The following CNTNAP4 variants were observed in gnomAD, a reference collection of about 807,000 sequenced individuals.
CNTNAP4 encodes contactin-associated protein-like 4.
A neutral mutation model predicts 148.4 loss-of-function variants in CNTNAP4; 98 were observed. That is an observed-to-expected ratio of 0.66 (90% CI 0.56 to 0.78). CNTNAP4 has a LOEUF of 0.78. Ranked by LOEUF, CNTNAP4 falls within the 30% of genes least tolerant of loss-of-function variation. CNTNAP4 has a pLI of 0.00. For synonymous variants in CNTNAP4, 730 were observed against 565.1 expected (o/e 1.29, Z -4.14); for missense variants, 1,935 against 1,565.6 (o/e 1.24, Z -3.98).
chr16:76,519,588 C>T (rs1029603127), intron 15 of CNTNAP4, among the ~76,000 whole-genome samples: 1 of 152,130 alleles, frequency 6.6e-6, no homozygotes, highest in African/African-American at 2.4e-5. Flanking sequence ...GAAAACAGAT[C>T]AGCTAAGAAC....
intron 2 of CNTNAP4, among the ~76,000 whole-genome samples, chr16:76,331,705 T>C (rs1407365829): frequency 6.6e-6 from 1 of 152,202 alleles, no homozygotes; most frequent in African/African-American, 2.4e-5. Flanking sequence ...CACATAGTTA[T>C]AATTATTGTT....
Position 76,479,494 on chromosome 16 carries a change from G to C in CNTNAP4, c.1838G>C (p.Gly613Ala), listed in dbSNP as rs542307062. The stretch of plus-strand genomic sequence containing the variant: ...GGGTTTTACTATATAGATTCAGATG[G>C]AAGTGGTCCCCTGGAACCATTTCTT... ...TSGFYYIDSD[G>A]SGPLEPFLLY... Residue 613 changes from glycine to alanine, a missense_variant, in exon 12 of 24, where the codon GGA becomes GCA. Transcript: ENST00000611870. 1.7e-5 allele frequency: 28 copies of C among 1,610,820 alleles called. No homozygotes were observed. In the East Asian group the frequency reaches 5.8e-4, roughly 34 times the overall value.
At chr16:76,365,772 C>G (rs1255785254) in intron 3 of CNTNAP4, among the ~76,000 whole-genome samples, 1 of 126,486 alleles carries the variant, frequency 7.9e-6, no homozygotes, top group Non-Finnish European at 1.8e-5. Flanking sequence ...AAAAAAAAAC[C>G]TAAGAGAATC....
At chr16:76,552,852 C>T (rs190676143) in intron 21 of CNTNAP4, among the ~76,000 whole-genome samples, 1 of 152,164 alleles carries the variant, frequency 6.6e-6, no homozygotes, top group Admixed American at 6.5e-5. Flanking sequence ...TCAATTTTCT[C>T]TCTAGTTTCT....
intron 1 of CNTNAP4, among the ~76,000 whole-genome samples, chr16:76,298,072 C>T (rs182974664): frequency 2.8e-4 from 43 of 152,308 alleles, no homozygotes; most frequent in Admixed American, 5.2e-4. Flanking sequence ...GTCCCTACAT[C>T]TTCCCCATCT....
At chr16:76,397,530 T>G (rs2078244015) in intron 3 of CNTNAP4, among the ~76,000 whole-genome samples, 1 of 151,952 alleles carries the variant, frequency 6.6e-6, no homozygotes, top group African/African-American at 2.4e-5. Flanking sequence ...GTGGGTGGGT[T>G]TGTTTTCATT....
At chr16:76,376,906 T>G (rs1050959650) in intron 3 of CNTNAP4, among the ~76,000 whole-genome samples, 77 of 120,354 alleles carry the variant, frequency 6.4e-4, no homozygotes, top group African/African-American at 2.6e-3. Context: ...ACTAACAAGG[T>G]TTGTGTGTGT....
intron 21 of CNTNAP4, among the ~76,000 whole-genome samples, chr16:76,544,743 A>G (rs1450264475): frequency 6.6e-6 from 1 of 152,070 alleles, no homozygotes; most frequent in Non-Finnish European, 1.5e-5. Context: ...AAACTGAGAG[A>G]TTGTTTTCAC....
In CNTNAP4 at chr16:76,453,436, C is replaced by A. The variant is rs8061892; in HGVS notation, c.1333+667C>A. On this transcript the variant is annotated intron_variant, in intron 8 of 23. Transcript: ENST00000611870. Reference sequence around the variant, plus strand: ...AATGAATGTCTAATTTAGGCCAGTGCGTTGAGTGAGGGATGTTTTTGTCTC... The same window carrying A: ...AATGAATGTCTAATTTAGGCCAGTGAGTTGAGTGAGGGATGTTTTTGTCTC... Among the ~76,000 whole-genome samples the A allele has an allele frequency of 9.2e-5, 14 of 151,984 alleles. 1 individual carries two copies. In the South Asian group the frequency reaches 2.9e-3, roughly 32 times the overall value.
At position 76,427,469 on chromosome 16, in the gene CNTNAP4, A is replaced by C; in HGVS notation, c.408A>C (p.Ala136=). The C allele has an allele frequency of 6.2e-7, 1 of 1,605,496 alleles. No individual in the cohort carries two copies. Among genetic ancestry groups the C allele is most frequent in the South Asian group, 1.1e-5 (1 of 89,036 alleles). The change falls in exon 4 of 24, where the codon GCA becomes GCC. Residue 136 remains alanine (A), a synonymous_variant. Transcript: ENST00000611870. ...TCTTTTAGGGTTTTTCAGGAAATGC[A>C]AATGCAGACAGTGTTGTGTACTATA... ...EDSIWGFSGN[A]NADSVVYYRL...
intron 21 of CNTNAP4, among the ~76,000 whole-genome samples, chr16:76,551,545 G>C (rs2084953585): frequency 6.6e-6 from 1 of 152,076 alleles, no homozygotes; most frequent in South Asian, 2.1e-4. Flanking sequence ...ATCTCAACCA[G>C]AGAGTGGTTT....
At position 76,351,962 on chromosome 16, in the gene CNTNAP4, C is replaced by T. The variant is rs1025592557; in HGVS notation, c.197-3356C>T. Among the ~76,000 whole-genome samples the T allele has an allele frequency of 1.1e-4, 17 of 152,268 alleles. No individual in the cohort carries two copies. In the South Asian group the frequency reaches 3.5e-3, roughly 32 times the overall value. ...TGTGAAATTCTGGATTTTAGGAAAA[C>T]ATATTCTCAATTCCAGCTTTAGACC... On this transcript the variant is annotated intron_variant, in intron 2 of 23. Coordinates refer to ENST00000611870, the MANE Select transcript of CNTNAP4 (RefSeq NM_033401.5).
Position 76,293,835 on chromosome 16 carries a change from TAA to T in CNTNAP4, c.85+16095_85+16096del, listed in dbSNP as rs201927804. Among the ~76,000 whole-genome samples, 219 of 146,092 alleles carry T rather than the reference TAA, an allele frequency of 1.5e-3. 1 individual carries two copies. Among genetic ancestry groups the T allele is most frequent in the African/African-American group, 5.3e-3 (206 of 38,658 alleles). On this transcript the variant is annotated intron_variant, in intron 1 of 23. Coordinates refer to ENST00000611870, the MANE Select transcript of CNTNAP4 (RefSeq NM_033401.5). Reference sequence around the variant, plus strand: ...AACAAGCTGCTTTTTTTTTTTTTTTTAAAAAAAAGGATATAATTGATGCCCGT... The same window carrying T: ...AACAAGCTGCTTTTTTTTTTTTTTTTAAAAAAGGATATAATTGATGCCCGT...
chr16:76,299,490 A>T (rs904745746), intron 1 of CNTNAP4, among the ~76,000 whole-genome samples: 1 of 152,096 alleles, frequency 6.6e-6, no homozygotes, highest in Non-Finnish European at 1.5e-5. Context: ...AAAAGTCAGG[A>T]AACAACAGGT....
chr16:76,386,403 T>A (rs1319656178), intron 3 of CNTNAP4, among the ~76,000 whole-genome samples: 1 of 152,176 alleles, frequency 6.6e-6, no homozygotes, highest in Non-Finnish European at 1.5e-5. Context: ...TTGATTTGCT[T>A]GCTCTCAGTT....
intron 3 of CNTNAP4, among the ~76,000 whole-genome samples, chr16:76,374,372 A>G (rs2015190614): frequency 6.6e-6 from 1 of 152,202 alleles, no homozygotes; most frequent in South Asian, 2.1e-4. Flanking sequence ...CGATTATGTT[A>G]CTAATTCCAT....
intron 3 of CNTNAP4, among the ~76,000 whole-genome samples, chr16:76,374,949 A>T (rs2015263916): frequency 6.6e-6 from 1 of 151,676 alleles, no homozygotes; most frequent in Non-Finnish European, 1.5e-5. Context: ...TGTCTTTTTT[A>T]GTAGAGATGG....
chr16:76,394,019 G>C (rs2078114661), intron 3 of CNTNAP4, among the ~76,000 whole-genome samples: 1 of 152,222 alleles, frequency 6.6e-6, no homozygotes, highest in East Asian at 1.9e-4. Flanking sequence ...TGTCTTCATG[G>C]GGATGAACAA....
chr16:76,451,491 A>T (rs2080469245), intron 7 of CNTNAP4, among the ~76,000 whole-genome samples: 1 of 152,150 alleles, frequency 6.6e-6, no homozygotes, highest in South Asian at 2.1e-4. Flanking sequence ...ATTTCTAATT[A>T]TGTGAATTGG....
Sources: gnomAD v4.1 joint callset for allele counts (sites outside exome capture counted in the v4.1 genomes callset) on GRCh38, gnomAD v4.1.1 for gene constraint, MANE v1.5 for transcripts, NCBI Gene and HGNC (gene_info 2026-07-23, HGNC 2026-07-21) for gene names.